The following ROBO2 variants were observed in gnomAD, a reference collection of about 807,000 sequenced individuals.
ROBO2 encodes the protein roundabout homolog 2.
ROBO2 carries 53 observed loss-of-function variants against 160.8 expected under a neutral mutation model. The ratio of observed to expected loss-of-function variants is 0.33; its 90% CI spans 0.26 to 0.41. The LOEUF (loss-of-function observed/expected upper bound fraction) is 0.41, where lower values mean the gene tolerates loss of function less well. Ranked by LOEUF, ROBO2 falls within the 10% of genes least tolerant of loss-of-function variation. The probability of loss-of-function intolerance (pLI) is 1.00; values close to 1 mark genes in which losing one functional copy is unlikely to be tolerated. For synonymous variants in ROBO2, 664 were observed against 611.7 expected (o/e 1.09, Z -1.26); for missense variants, 1,577 against 1,722.4 (o/e 0.92, Z 1.49).
intron 1 of ROBO2, among the ~76,000 whole-genome samples, chr3:75,922,494 G>C (rs1947103502): frequency 6.6e-6 from 1 of 152,120 alleles, no homozygotes; most frequent in Non-Finnish European, 1.5e-5. Context: ...CAATTCACTT[G>C]ACATATTTAA....
intron 2 of ROBO2, among the ~76,000 whole-genome samples, chr3:77,265,132 A>G (rs1212530684): frequency 1.3e-5 from 2 of 152,152 alleles, no homozygotes; most frequent in Admixed American, 1.3e-4. Flanking sequence ...CTTCATTTAC[A>G]TTGCCTGATT....
chr3:77,262,691 T>TA (rs1286293469), intron 2 of ROBO2, among the ~76,000 whole-genome samples: 10 of 152,160 alleles, frequency 6.6e-5, no homozygotes, highest in Admixed American at 4.6e-4. Flanking sequence ...AAAAATAATT[T>TA]AAAAAAATCC....
intron 2 of ROBO2, among the ~76,000 whole-genome samples, chr3:76,681,858 T>G (rs2092572262): frequency 6.6e-6 from 1 of 152,102 alleles, no homozygotes; most frequent in Non-Finnish European, 1.5e-5. Context: ...GTTAGAGAGA[T>G]AGGCAAGGGC....
At chr3:76,851,660 G>A (rs1171151943) in intron 2 of ROBO2, among the ~76,000 whole-genome samples, 3 of 146,510 alleles carry the variant, frequency 2.0e-5, no homozygotes, top group Non-Finnish European at 4.5e-5. Flanking sequence ...GCGTGAACCC[G>A]GGAAGCGGAG....
At chr3:76,431,668 A>T (rs2076442883) in intron 2 of ROBO2, among the ~76,000 whole-genome samples, 1 of 152,138 alleles carries the variant, frequency 6.6e-6, no homozygotes, top group Non-Finnish European at 1.5e-5. Context: ...ATGGAAAGAA[A>T]TGCTGTTGAT....
At chr3:76,899,651 T>C (rs540440947) in intron 2 of ROBO2, among the ~76,000 whole-genome samples, 114 of 152,294 alleles carry the variant, frequency 7.5e-4, no homozygotes, top group African/African-American at 2.7e-3. Context: ...AAACATTTAT[T>C]GAATACCTCT....
intron 2 of ROBO2, among the ~76,000 whole-genome samples, chr3:77,293,004 G>C (rs1413411675): frequency 2.5e-4 from 38 of 151,374 alleles, no homozygotes; most frequent in African/African-American, 9.2e-4. Flanking sequence ...AAACGGGTAA[G>C]CTGAGGCTAG....
chr3:77,165,997 A>C (rs2079040819), intron 2 of ROBO2, among the ~76,000 whole-genome samples: 1 of 152,208 alleles, frequency 6.6e-6, no homozygotes, highest in African/African-American at 2.4e-5. Context: ...TACAACACGT[A>C]CCATTTGAGT....
chr3:77,469,624 G>A (rs181237936), intron 2 of ROBO2, among the ~76,000 whole-genome samples: 4 of 152,168 alleles, frequency 2.6e-5, no homozygotes, highest in Non-Finnish European at 5.9e-5. Flanking sequence ...ACATAAATCT[G>A]TTCTATTCCT....
exon 26 of ROBO2, chr3:77,648,828 C>A (rs753783352): frequency 4.6e-5 from 7 of 152,120 alleles, no homozygotes; most frequent in African/African-American, 7.2e-5. Flanking sequence ...ATTAGAAATT[C>A]ACTGAGCTCA....
intron 2 of ROBO2, among the ~76,000 whole-genome samples, chr3:77,354,195 A>G (rs558191662): frequency 1.3e-5 from 2 of 152,294 alleles, no homozygotes; most frequent in African/African-American, 4.8e-5. Flanking sequence ...ATAGTCTTCT[A>G]TTTCCTGAAC....
At chr3:77,522,636 C>T (rs1240602751) in intron 5 of ROBO2, 139 bp from the exon 6 acceptor site, 4 of 804,986 alleles carry the variant, frequency 5.0e-6, no homozygotes, top group Non-Finnish European at 6.0e-6. Context: ...TAAGTAATTG[C>T]ACTTTGTGGC....
intron 2 of ROBO2, among the ~76,000 whole-genome samples, chr3:75,950,014 A>G (rs1434005981): frequency 3.5e-5 from 2 of 56,550 alleles, no homozygotes; most frequent in East Asian, 4.0e-4. Flanking sequence ...TTATCACTAC[A>G]TATGCATGTG....
chr3:76,319,448 C>T (rs940282979), intron 2 of ROBO2, among the ~76,000 whole-genome samples: 102 of 150,776 alleles, frequency 6.8e-4, no homozygotes, highest in African/African-American at 2.2e-3. Flanking sequence ...CCTTTTTTTT[C>T]TTTCTTGGGA....
intron 2 of ROBO2, among the ~76,000 whole-genome samples, chr3:76,217,434 A>T (rs552614390): frequency 1.3e-5 from 2 of 152,332 alleles, no homozygotes; most frequent in Non-Finnish European, 2.9e-5. Flanking sequence ...ATAAAGAAGA[A>T]AAGAGAGAAG....
chr3:75,918,975 A>C (rs1292376906), intron 1 of ROBO2, among the ~76,000 whole-genome samples: 2 of 152,184 alleles, frequency 1.3e-5, no homozygotes, highest in African/African-American at 4.8e-5. Context: ...CAATCATGTC[A>C]TCTGCAAACA....
intron 2 of ROBO2, among the ~76,000 whole-genome samples, chr3:76,456,300 A>C (rs2077748642): frequency 6.6e-6 from 1 of 152,236 alleles, no homozygotes; most frequent in Admixed American, 6.5e-5. Context: ...AAATTCAGGT[A>C]GAAATTTAAT....
At chr3:77,403,908 G>A (rs1369909969) in intron 2 of ROBO2, among the ~76,000 whole-genome samples, 3 of 151,932 alleles carry the variant, frequency 2.0e-5, no homozygotes, top group Non-Finnish European at 2.9e-5. Context: ...TCTCAAGCCT[G>A]AATTGCTTGG....
At chr3:77,598,934 G>C (rs2094372194) in intron 19 of ROBO2, among the ~76,000 whole-genome samples, 1 of 152,138 alleles carries the variant, frequency 6.6e-6, no homozygotes, top group African/African-American at 2.4e-5. Context: ...ACATGAAAAA[G>C]TGAATGCTTA....
Sources: allele counts gnomAD v4.1 joint callset (sites outside exome capture counted in the v4.1 genomes callset), GRCh38; gene constraint gnomAD v4.1.1; transcripts MANE v1.5; gene names NCBI Gene and HGNC (gene_info 2026-07-23, HGNC 2026-07-21).